Variants in WWOX observed in about 807,000 individuals in gnomAD.
The protein encoded by WWOX is WW domain-containing oxidoreductase.
WWOX carries 69 observed loss-of-function variants against 46.2 expected under a neutral mutation model. The ratio of observed to expected loss-of-function variants is 1.49; its 90% CI spans 1.23 to 1.82. WWOX has a LOEUF of 1.82. WWOX is among the 40% of genes most tolerant of loss of function. The probability of loss-of-function intolerance (pLI) is 0.00; values close to 1 mark genes in which losing one functional copy is unlikely to be tolerated. For synonymous variants in WWOX, 359 were observed against 202.6 expected, an observed-to-expected ratio of 1.77 and a Z score of -6.56; for missense variants, 919 against 542.6, an observed-to-expected ratio of 1.69 and a Z score of -6.89.
intron 8 of WWOX, among the ~76,000 whole-genome samples, chr16:79,177,564 C>G (rs1449458429): frequency 6.6e-6 from 1 of 152,098 alleles, no homozygotes; most frequent in Non-Finnish European, 1.5e-5. Context: ...AATTCACCGG[C>G]TCTTTTATTT....
intron 8 of WWOX, among the ~76,000 whole-genome samples, chr16:78,883,126 T>G (rs1464630397): frequency 4.6e-5 from 7 of 152,142 alleles, no homozygotes; most frequent in Non-Finnish European, 1.0e-4. Flanking sequence ...TTGATCACCT[T>G]TTGGATGCCA....
intron 8 of WWOX, among the ~76,000 whole-genome samples, chr16:78,708,363 C>G (rs1023966394): frequency 6.6e-6 from 1 of 152,100 alleles, no homozygotes; most frequent in African/African-American, 2.4e-5. Context: ...AAATTTTACT[C>G]GGCATCCTGT....
At position 79,127,133 on chromosome 16, in the gene WWOX, C is replaced by T. The variant is rs534408535; in HGVS notation, c.1057-84475C>T. ...AAAAATCAAAAGTAGAAGATAAAAA[C>T]AAGGTGTATATGTATATATATTTAT... On this transcript the variant is annotated intron_variant, in intron 8 of 8. Transcript: ENST00000566780. Among the ~76,000 whole-genome samples, 3 of 151,720 alleles carry T rather than the reference C, an allele frequency of 2.0e-5. No homozygotes were observed. The South Asian group carries it at 6.2e-4, about 32-fold the overall frequency.
At chr16:79,121,844 TAAAAC>T (rs1411114367) in intron 8 of WWOX, among the ~76,000 whole-genome samples, 1 of 152,150 alleles carries the variant, frequency 6.6e-6, no homozygotes, top group Non-Finnish European at 1.5e-5. Flanking sequence ...ATTGGGATAT[TAAAAC>T]AATTCGTTCT....
rs191553403 is a variant in WWOX, at chr16:78,370,114, A to G, written c.517-16746A>G. Reference sequence around the variant, plus strand: ...ACCACTGCTCTCTATCCTGGGAGACAGAGCAAGACTGTCTCCAAAAAAAAA... The same window carrying G: ...ACCACTGCTCTCTATCCTGGGAGACGGAGCAAGACTGTCTCCAAAAAAAAA... On this transcript the variant is annotated intron_variant, in intron 5 of 8. Coordinates refer to ENST00000566780, the MANE Select transcript of WWOX (RefSeq NM_016373.4). 9.9e-4 allele frequency among the ~76,000 whole-genome samples: 126 copies of G among 126,986 alleles called. 2 individuals carry two copies. The highest frequency in any genetic ancestry group is 1.7e-3 in the Non-Finnish European group (103 of 62,088). The allele number at this position is 126,986 out of a possible 152,430, so 83.3% of individuals were successfully genotyped here.
At chr16:78,934,235 G>C (rs2045686579) in intron 8 of WWOX, among the ~76,000 whole-genome samples, 1 of 150,460 alleles carries the variant, frequency 6.6e-6, no homozygotes, top group Non-Finnish European at 1.5e-5. Context: ...CTACTCGGGA[G>C]GCTGAGGCAG....
At chr16:78,806,847 T>C (rs1454602925) in intron 8 of WWOX, among the ~76,000 whole-genome samples, 2 of 152,188 alleles carry the variant, frequency 1.3e-5, no homozygotes, top group Non-Finnish European at 2.9e-5. Flanking sequence ...TTTTGAAAGA[T>C]GCAGTCTGCC....
intron 5 of WWOX, among the ~76,000 whole-genome samples, chr16:78,251,769 G>A (rs189162935): frequency 3.3e-5 from 5 of 152,268 alleles, no homozygotes; most frequent in East Asian, 3.9e-4. Context: ...TAATTCTATC[G>A]TTAAAGGATT....
intron 6 of WWOX, among the ~76,000 whole-genome samples, chr16:78,392,429 G>T (rs891314217): frequency 1.4e-4 from 21 of 152,040 alleles, no homozygotes; most frequent in Non-Finnish European, 2.5e-4. Context: ...TGGTGAGTTG[G>T]ATAACTATTT....
At chr16:78,946,284 G>A (rs868536318) in intron 8 of WWOX, among the ~76,000 whole-genome samples, 32 of 152,006 alleles carry the variant, frequency 2.1e-4, no homozygotes, top group African/African-American at 6.5e-4. Context: ...TCCAACTCCC[G>A]GCTCCAGTGA....
intron 8 of WWOX, among the ~76,000 whole-genome samples, chr16:78,999,588 C>G (rs2047055233): frequency 6.6e-6 from 1 of 152,138 alleles, no homozygotes; most frequent in African/African-American, 2.4e-5. Flanking sequence ...GAGAGAGACC[C>G]TTCATGTGAA....
chr16:79,009,224 C>T (rs1036393154), intron 8 of WWOX, among the ~76,000 whole-genome samples: 6 of 152,178 alleles, frequency 3.9e-5, no homozygotes, highest in African/African-American at 1.4e-4. Flanking sequence ...AATGCCAGTT[C>T]ACTTGAGTGT....
At chr16:79,078,068 C>A (rs2048693574) in intron 8 of WWOX, 1 of 152,064 alleles carries the variant, frequency 6.6e-6, no homozygotes, top group African/African-American at 2.4e-5. Context: ...AAAAAAGGTC[C>A]CCTCCCCAGA....
intron 8 of WWOX, among the ~76,000 whole-genome samples, chr16:79,124,921 A>G (rs1414596033): frequency 6.6e-6 from 1 of 152,126 alleles, no homozygotes; most frequent in Admixed American, 6.5e-5. Context: ...TACTGTCCTC[A>G]TTTTCAAGCT....
intron 8 of WWOX, chr16:78,825,485 G>T: frequency 2.2e-6 from 1 of 455,378 alleles, no homozygotes; most frequent in South Asian, 1.7e-5. Context: ...TTCTGGAATT[G>T]ACTGCTGTAG....
intron 8 of WWOX, among the ~76,000 whole-genome samples, chr16:78,483,541 G>C (rs955915458): frequency 5.9e-5 from 9 of 151,614 alleles, no homozygotes; most frequent in African/African-American, 2.2e-4. Context: ...ATTGCCAACA[G>C]AACCGGCCTT....
chr16:78,716,089 A>G (rs944880238), intron 8 of WWOX, among the ~76,000 whole-genome samples: 1 of 152,178 alleles, frequency 6.6e-6, no homozygotes, highest in Admixed American at 6.5e-5. Context: ...TCAGACAGTC[A>G]CATTGAAATG....
intron 5 of WWOX, among the ~76,000 whole-genome samples, chr16:78,248,997 C>T (rs1454302720): frequency 6.6e-6 from 1 of 151,018 alleles, no homozygotes; most frequent in African/African-American, 2.4e-5. Flanking sequence ...GCTGGGACTA[C>T]AGGCACGTGC....
chr16:78,948,255 A>G (rs1251785248), intron 8 of WWOX, among the ~76,000 whole-genome samples: 1 of 152,174 alleles, frequency 6.6e-6, no homozygotes, highest in Non-Finnish European at 1.5e-5. Context: ...CAGTGGCACC[A>G]CTAGCTATTA....
Sources: allele counts gnomAD v4.1 joint callset (sites outside exome capture counted in the v4.1 genomes callset), GRCh38; gene constraint gnomAD v4.1.1; transcripts MANE v1.5; gene names NCBI Gene and HGNC (gene_info 2026-07-23, HGNC 2026-07-21).